STAM2: variants seen among roughly 807,000 people sequenced by gnomAD.
STAM2 encodes signal transducing adaptor molecule 2, also known as signal transducing adapter molecule 2.
STAM2 carries 51 observed loss-of-function variants against 65.6 expected under a neutral mutation model. That is an observed-to-expected ratio of 0.78 (90% CI 0.62 to 0.98). STAM2 has a LOEUF of 0.98. Ranked by LOEUF, STAM2 falls within the 50% of genes least tolerant of loss-of-function variation. The pLI is 0.00. For missense variants in STAM2, 584 were observed against 617.8 expected (o/e 0.95, Z 0.58); for synonymous variants, 198 against 208.4 (o/e 0.95, Z 0.43).
chr2:152,135,575 G>A lies in STAM2; in HGVS notation c.733C>T (p.His245Tyr). 1 of 1,611,950 alleles carries A rather than the reference G, an allele frequency of 6.2e-7. No individual in the cohort carries two copies. Among genetic ancestry groups the A allele is most frequent in the Non-Finnish European group, 8.5e-7 (1 of 1,179,128 alleles). ...SDANWWKGEN[H>Y]RGIGLFPSNF... is the part of the protein sequence containing the mutation. ...GATGGGAAAAGTCCTATTCCTCTGT[G>A]ATTTTCTCCTTTCCACCAATTGGCA... The change falls in exon 8 of 14, where the codon CAC (histidine) becomes TAC (tyrosine). Residue 245 changes from histidine to tyrosine, a missense_variant. His to Tyr is a moderately conservative substitution (Grantham distance 83, BLOSUM62 2). Transcript: ENST00000263904.
intron 1 of STAM2, among the ~76,000 whole-genome samples, chr2:152,160,523 C>G (rs1689646793): frequency 6.6e-6 from 1 of 151,686 alleles, no homozygotes; most frequent in South Asian, 2.1e-4. Context: ...TGAGGAGCCC[C>G]TCCGCCCGGC....
intron 2 of STAM2, 134 bp downstream of exon 2, chr2:152,150,011 C>G: frequency 3.2e-6 from 2 of 632,976 alleles, no homozygotes; most frequent in South Asian, 4.1e-5. Flanking sequence ...ATAAGTGAAC[C>G]CTCGCAGTTT....
chr2:152,173,990 T>G (rs1400366219), intron 1 of STAM2, among the ~76,000 whole-genome samples: 1 of 152,124 alleles, frequency 6.6e-6, no homozygotes. Context: ...GTTTTTTTGT[T>G]TGTTTGTTTT....
Position 152,175,624 on chromosome 2 carries a change from T to C in STAM2, c.19A>G (p.Asn7Asp). The C allele has an allele frequency of 6.2e-7, 1 of 1,613,906 alleles. No homozygotes were observed. The change falls in exon 1 of 14, where the codon AAC becomes GAC. Residue 7 changes from asparagine (N) to aspartate (D), a missense_variant. Transcript: ENST00000263904. Reference protein sequence around the residue: MPLFTANPFEQDVEKAT... With the variant: MPLFTADPFEQDVEKAT... Reference sequence around the variant, plus strand: ...TCACCCACGTCTTGCTCGAAGGGGTTGGCGGTGAACAAAGGCATCTCGCCG... The same window carrying C: ...TCACCCACGTCTTGCTCGAAGGGGTCGGCGGTGAACAAAGGCATCTCGCCG...
At chr2:152,154,599 C>A (rs1374514054) in intron 1 of STAM2, among the ~76,000 whole-genome samples, 2 of 151,528 alleles carry the variant, frequency 1.3e-5, no homozygotes, top group East Asian at 3.9e-4. Flanking sequence ...ACGTGGACAA[C>A]AGAGTGAGCC....
chr2:152,148,653 T>C (rs1689380833), intron 2 of STAM2, among the ~76,000 whole-genome samples: 1 of 152,108 alleles, frequency 6.6e-6, no homozygotes, highest in Non-Finnish European at 1.5e-5. Flanking sequence ...ACAGAGACCG[T>C]GTCTCAAAAT....
At position 152,122,557 on chromosome 2, in the gene STAM2, TTA is replaced by T. The variant is rs1688874811; in HGVS notation, c.1349+1207_1349+1208del. On this transcript the variant is annotated intron_variant, in intron 13 of 13. Transcript: ENST00000263904. ...TAGTGTTACCAAACATAGCAAAATT[TTA>T]TATTTTATTCTAACTGAACACTAAT... Among the ~76,000 whole-genome samples, 3 of 152,322 alleles carry T rather than the reference TTA, an allele frequency of 2.0e-5. No individual in the cohort carries two copies. The South Asian group carries it at 6.2e-4, about 32-fold the overall frequency.
chr2:152,126,151 T>G, intron 12 of STAM2, 75 bp downstream of exon 12: 1 of 1,235,074 alleles, frequency 8.1e-7, no homozygotes, highest in Non-Finnish European at 1.1e-6. Flanking sequence ...ATCTTAATAC[T>G]ATGCTATAAA....
At chr2:152,151,697 C>A (rs1400638059) in intron 1 of STAM2, among the ~76,000 whole-genome samples, 1 of 152,164 alleles carries the variant, frequency 6.6e-6, no homozygotes, top group African/African-American at 2.4e-5. Flanking sequence ...CCCTACGCAA[C>A]CACTTGTCTA....
intron 13 of STAM2, among the ~76,000 whole-genome samples, chr2:152,121,632 A>T (rs972016421): frequency 2.4e-4 from 37 of 152,308 alleles, no homozygotes; most frequent in African/African-American, 8.9e-4. Context: ...ATCAACCCTC[A>T]GGATAGTCCG....
Position 152,133,538 on chromosome 2 carries a change from T to A in STAM2, c.800-54A>T, listed in dbSNP as rs1579315507. 1.1e-5 allele frequency: 15 copies of A among 1,413,172 alleles called. No individual in the cohort carries two copies. In the East Asian group the frequency reaches 3.4e-4, roughly 32 times the overall value. 87.5% of individuals were successfully genotyped at this position (1,413,172 alleles called of 1,614,324 possible). A position where few individuals can be genotyped will look rare whatever the true frequency, so the allele number is the denominator to read the frequency against. On this transcript the variant is annotated intron_variant, in intron 8 of 13. Transcript: ENST00000263904. ...TCAGCATTTACTTCAGTAATTTTAG[T>A]CATTAATTTATAAGTGGCCTATGAT...
At chr2:152,159,110 T>TATATATATATATATATAAAC in intron 1 of STAM2, among the ~76,000 whole-genome samples, 1 of 129,278 alleles carries the variant, frequency 7.7e-6, no homozygotes. Context: ...TATATATATA[T>TATATATATATATATATAAAC]ACACACACAG....
intron 5 of STAM2, among the ~76,000 whole-genome samples, chr2:152,145,559 C>T (rs1689323225): frequency 6.6e-6 from 1 of 152,190 alleles, no homozygotes; most frequent in Admixed American, 6.5e-5. Context: ...AGACTCTTTT[C>T]TGATTGTATT....
intron 1 of STAM2, among the ~76,000 whole-genome samples, chr2:152,162,069 C>T (rs1196750549): frequency 6.6e-6 from 1 of 152,172 alleles, no homozygotes; most frequent in Non-Finnish European, 1.5e-5. Flanking sequence ...GTGATCCACT[C>T]ATCTTGGCCT....
chr2:152,154,817 TTAG>T (rs765351418), intron 1 of STAM2, among the ~76,000 whole-genome samples: 14 of 152,210 alleles, frequency 9.2e-5, no homozygotes, highest in Non-Finnish European at 2.1e-4. Context: ...ACCAGTATTT[TTAG>T]TACCTGCATA....
chr2:152,170,865 G>A (rs1689885847), intron 1 of STAM2, among the ~76,000 whole-genome samples: 1 of 151,878 alleles, frequency 6.6e-6, no homozygotes, highest in Admixed American at 6.6e-5. Flanking sequence ...GCATGGTGGT[G>A]CGCACCTGTA....
intron 4 of STAM2, among the ~76,000 whole-genome samples, chr2:152,147,784 A>T (rs1689361464): frequency 6.6e-6 from 1 of 152,204 alleles, no homozygotes; most frequent in Admixed American, 6.5e-5. Flanking sequence ...AAAATGCTTA[A>T]AGTAATGACT....
At chr2:152,168,072 T>C (rs974430136) in intron 1 of STAM2, among the ~76,000 whole-genome samples, 2 of 152,114 alleles carry the variant, frequency 1.3e-5, no homozygotes, top group African/African-American at 4.8e-5. Flanking sequence ...TTAAGTTTCA[T>C]TTTGATACCT....
intron 2 of STAM2, among the ~76,000 whole-genome samples, chr2:152,149,749 C>T (rs1321216565): frequency 3.3e-5 from 5 of 152,154 alleles, no homozygotes; most frequent in Admixed American, 6.6e-5. Context: ...CTGCTCGCCT[C>T]GGCCTCTCAA....
Sources: gnomAD v4.1 joint callset for allele counts (sites outside exome capture counted in the v4.1 genomes callset) on GRCh38, gnomAD v4.1.1 for gene constraint, MANE v1.5 for transcripts, NCBI Gene and HGNC (gene_info 2026-07-23, HGNC 2026-07-21) for gene names.